Variants in KAZN observed in about 807,000 individuals in gnomAD.
The protein encoded by KAZN is kazrin, periplakin interacting protein.
Under a neutral mutation model 87.4 loss-of-function variants are expected in KAZN, and 40 were observed. The observed-to-expected ratio is 0.46, with a 90% confidence interval of 0.36 to 0.60. The LOEUF is 0.60. KAZN is among the 20% of genes least tolerant of loss of function. The probability of loss-of-function intolerance (pLI) is 0.00; values close to 1 mark genes in which losing one functional copy is unlikely to be tolerated. For missense variants in KAZN, 898 were observed against 1,073.9 expected, an observed-to-expected ratio of 0.84 and a Z score of 2.29; for synonymous variants, 466 against 458.3, an observed-to-expected ratio of 1.02 and a Z score of -0.22.
At chr1:14,874,669 T>C (rs1363989487) in intron 1 of KAZN, among the ~76,000 whole-genome samples, 3 of 152,192 alleles carry the variant, frequency 2.0e-5, no homozygotes, top group Non-Finnish European at 4.4e-5. Flanking sequence ...CCAATCTCCT[T>C]CTCCATTCAC....
At chr1:14,584,015 A>C (rs1310861615) in intron 2 of KAZN, among the ~76,000 whole-genome samples, 2 of 152,138 alleles carry the variant, frequency 1.3e-5, no homozygotes, top group African/African-American at 4.8e-5. Context: ...GTCAGGGCTC[A>C]TTATCTTGTT....
intron 1 of KAZN, among the ~76,000 whole-genome samples, chr1:14,604,993 A>G (rs1463543998): frequency 6.6e-6 from 1 of 152,212 alleles, no homozygotes; most frequent in Non-Finnish European, 1.5e-5. Context: ...AAGGCCTTCC[A>G]TTCCCAATAT....
chr1:14,901,153 G>A (rs563622520), intron 1 of KAZN, among the ~76,000 whole-genome samples: 2 of 152,272 alleles, frequency 1.3e-5, no homozygotes, highest in East Asian at 3.9e-4. Flanking sequence ...GGGACAACTG[G>A]GGGAAGGCTT....
intron 2 of KAZN, among the ~76,000 whole-genome samples, chr1:14,565,783 A>G (rs1408696327): frequency 1.3e-5 from 2 of 152,182 alleles, no homozygotes; most frequent in Admixed American, 6.5e-5. Context: ...CTCTTCCATA[A>G]GAAGCAACTC....
At chr1:13,952,372 TAATA>T (rs1483689122) in intron 1 of KAZN, among the ~76,000 whole-genome samples, 6 of 107,320 alleles carry the variant, frequency 5.6e-5, no homozygotes, top group South Asian at 3.0e-4. Context: ...ATAATAATAA[TAATA>T]ATATCAATAT....
In KAZN at chr1:13,921,008, T is replaced by C. The variant is rs1467010573; in HGVS notation, c.91+27252T>C. 6.6e-5 allele frequency among the ~76,000 whole-genome samples: 10 copies of C among 152,298 alleles called. No homozygotes were observed. The South Asian group carries it at 2.1e-3, about 32-fold the overall frequency. On this transcript the variant is annotated intron_variant, in intron 1 of 16. Transcript: ENST00000636203. The stretch of plus-strand genomic sequence containing the variant: ...GAAAGGCAATAAGCTGACTTTTCTG[T>C]GTGCTCATTGTGTCCCAGACCCATG...
rs541779937 is a variant in KAZN, at chr1:13,920,456, C to T, written c.91+26700C>T. Among the ~76,000 whole-genome samples, 14 of 152,032 alleles carry T rather than the reference C, an allele frequency of 9.2e-5. No individual in the cohort carries two copies. The East Asian group carries it at 2.3e-3, about 25-fold the overall frequency. On this transcript the variant is annotated intron_variant, in intron 1 of 16. Coordinates refer to the KAZN transcript ENST00000636203. ...GAGTGTAAGTCCTCCAGCTTTGCTT[C>T]GAATCTAACTGGTGAAGTTGGCAGG... is the stretch of plus-strand genomic sequence containing the variant.
chr1:14,625,392 A>G (rs1478012802), intron 1 of KAZN, among the ~76,000 whole-genome samples: 1 of 152,188 alleles, frequency 6.6e-6, no homozygotes, highest in Admixed American at 6.5e-5. Context: ...TAAAGCCTCA[A>G]TTGTAATTAA....
chr1:14,278,736 C>T lies in KAZN; in HGVS notation c.249+98144C>T, dbSNP rs577679204. On this transcript the variant is annotated intron_variant, in intron 2 of 16. Coordinates refer to the KAZN transcript ENST00000636203. Reference sequence around the variant, plus strand: ...TGATCTGTTTCCTAAGACTTTTTACCTCTATGGCTTTTTAATTTATTGTAT... The same window carrying T: ...TGATCTGTTTCCTAAGACTTTTTACTTCTATGGCTTTTTAATTTATTGTAT... Among the ~76,000 whole-genome samples the T allele has an allele frequency of 8.5e-5, 13 of 152,200 alleles. No homozygotes were observed. The East Asian group carries it at 2.1e-3, about 25-fold the overall frequency.
rs531628494 is a variant in KAZN at position 14,632,798 on chromosome 1, C to T, written c.226+33575C>T. Among the ~76,000 whole-genome samples the T allele has an allele frequency of 4.6e-5, 7 of 152,272 alleles. 1 individual carries two copies. Among genetic ancestry groups the T allele is most frequent in the South Asian group, 2.1e-4 (1 of 4,818 alleles). The stretch of plus-strand genomic sequence containing the variant: ...AACCTTGGCCACCTCTGTTGATGCT[C>T]TTCTTCCACACTGAGCCAGGTGTGG... On this transcript the variant is annotated intron_variant, in intron 1 of 14. Coordinates refer to ENST00000376030, the MANE Select transcript of KAZN (RefSeq NM_201628.3).
At chr1:14,670,863 G>A (rs753707553) in intron 1 of KAZN, among the ~76,000 whole-genome samples, 1 of 152,200 alleles carries the variant, frequency 6.6e-6, no homozygotes, top group Non-Finnish European at 1.5e-5. Flanking sequence ...AGTGTTTCTC[G>A]ACAAGGGGTG....
chr1:14,101,790 T>G (rs1388091261), intron 1 of KAZN, among the ~76,000 whole-genome samples: 1 of 152,230 alleles, frequency 6.6e-6, no homozygotes, highest in Admixed American at 6.5e-5. Context: ...TTTTTTCTCT[T>G]AAACAGGATA....
intron 1 of KAZN, among the ~76,000 whole-genome samples, chr1:14,646,761 CTGAGTA>C (rs1350958436): frequency 1.3e-5 from 2 of 152,204 alleles, no homozygotes; most frequent in Non-Finnish European, 2.9e-5. Flanking sequence ...ACTGGCTAGT[CTGAGTA>C]TGTTTCAATT....
At chr1:14,387,599 G>C (rs1571484522) in intron 2 of KAZN, among the ~76,000 whole-genome samples, 1 of 152,138 alleles carries the variant, frequency 6.6e-6, no homozygotes, top group Non-Finnish European at 1.5e-5. Flanking sequence ...GCCCCTGCTT[G>C]GGGGGTGCCT....
intron 1 of KAZN, among the ~76,000 whole-genome samples, chr1:13,940,477 T>C (rs1169791763): frequency 6.6e-6 from 1 of 152,238 alleles, no homozygotes. Flanking sequence ...GTGGTGTCAG[T>C]TGTAATGCTA....
At chr1:14,688,292 G>T (rs891277221) in intron 1 of KAZN, among the ~76,000 whole-genome samples, 9 of 152,174 alleles carry the variant, frequency 5.9e-5, no homozygotes, top group Non-Finnish European at 1.3e-4. Context: ...CCCTCGCTGG[G>T]CCTGTTTCTC....
chr1:14,729,969 T>C (rs1255925187), intron 1 of KAZN, among the ~76,000 whole-genome samples: 2 of 152,160 alleles, frequency 1.3e-5, no homozygotes, highest in Non-Finnish European at 2.9e-5. Flanking sequence ...TTCGTTCCTG[T>C]ATTGTCTATC....
intron 1 of KAZN, among the ~76,000 whole-genome samples, chr1:14,766,363 C>G (rs1192889909): frequency 6.6e-6 from 1 of 151,992 alleles, no homozygotes; most frequent in African/African-American, 2.4e-5. Context: ...ATGCCCCAAG[C>G]ACTCACTGAG....
chr1:14,627,246 T>C (rs949546626), intron 1 of KAZN, among the ~76,000 whole-genome samples: 17 of 151,692 alleles, frequency 1.1e-4, no homozygotes, highest in African/African-American at 3.9e-4. Context: ...GGGCCAAGCG[T>C]CTCAGCATCC....
Sources: gnomAD v4.1 joint callset for allele counts (sites outside exome capture counted in the v4.1 genomes callset) on GRCh38, gnomAD v4.1.1 for gene constraint, MANE v1.5 for transcripts, NCBI Gene and HGNC (gene_info 2026-07-23, HGNC 2026-07-21) for gene names.